Variants in HEATR5B observed in about 807,000 individuals in gnomAD.
The protein encoded by HEATR5B is HEAT repeat containing 5B, also known as HEAT repeat-containing protein 5B.
A neutral mutation model predicts 224.1 loss-of-function variants in HEATR5B; 156 were observed. That is an observed-to-expected ratio of 0.70 (90% CI 0.61 to 0.80). The LOEUF is 0.80. Among genes scored for constraint, HEATR5B ranks in the 30% least tolerant of loss-of-function variants. HEATR5B has a pLI of 0.00. For synonymous variants in HEATR5B, 1,027 were observed against 893.0 expected (o/e 1.15, Z -2.68); for missense variants, 2,323 against 2,535.5 (o/e 0.92, Z 1.80).
intron 35 of HEATR5B, among the ~76,000 whole-genome samples, chr2:36,983,439 T>C (rs1382201939): frequency 6.6e-6 from 1 of 151,984 alleles, no homozygotes; most frequent in African/African-American, 2.4e-5. Flanking sequence ...CTAGGGAGAC[T>C]GAGGCAGGAG....
intron 26 of HEATR5B, among the ~76,000 whole-genome samples, chr2:37,018,572 G>T (rs1327896071): frequency 6.6e-6 from 1 of 152,154 alleles, no homozygotes; most frequent in African/African-American, 2.4e-5. Context: ...AAAAATGGAA[G>T]GAAGGGGCAA....
chr2:37,026,935 A>C (rs1209471249), intron 24 of HEATR5B, among the ~76,000 whole-genome samples: 1 of 152,120 alleles, frequency 6.6e-6, no homozygotes, highest in East Asian at 1.9e-4. Flanking sequence ...AGTAGCTGGG[A>C]CTACAGGCAT....
At chr2:36,983,281 G>A (rs1665703740) in intron 35 of HEATR5B, among the ~76,000 whole-genome samples, 1 of 151,624 alleles carries the variant, frequency 6.6e-6, no homozygotes. Flanking sequence ...TGTAATCCTA[G>A]CACTTTGGGA....
At chr2:37,035,899 C>A (rs767525930) in intron 21 of HEATR5B, among the ~76,000 whole-genome samples, 24 of 152,174 alleles carry the variant, frequency 1.6e-4, no homozygotes, top group Non-Finnish European at 3.2e-4. Flanking sequence ...CCCAACCCTC[C>A]TCCTCCGATG....
chr2:37,076,167 T>C (rs1672219238), intron 4 of HEATR5B: 1 of 152,398 alleles, frequency 6.6e-6, no homozygotes, highest in African/African-American at 2.4e-5. Context: ...TCACAATGCT[T>C]ATTCACACTT....
chr2:37,006,708 G>A (rs972828570), intron 29 of HEATR5B, among the ~76,000 whole-genome samples: 1 of 152,116 alleles, frequency 6.6e-6, no homozygotes, highest in African/African-American at 2.4e-5. Context: ...AGGATTCACT[G>A]AAATCTTCTT....
chr2:37,083,508 C>T (rs78468475), intron 1 of HEATR5B, 72 bp from the exon 2 acceptor site: 51,384 of 1,124,198 alleles, frequency 0.046, 1,410 homozygotes, highest in Non-Finnish European at 0.053. Context: ...ATGGAATATA[C>T]TCACTAAGAA....
At chr2:36,986,796 T>C (rs1665977673) in intron 35 of HEATR5B, among the ~76,000 whole-genome samples, 1 of 152,110 alleles carries the variant, frequency 6.6e-6, no homozygotes, top group African/African-American at 2.4e-5. Flanking sequence ...TTTGTACTTT[T>C]AGTAGAGACA....
intron 26 of HEATR5B, among the ~76,000 whole-genome samples, chr2:37,016,950 T>C (rs1346019179): frequency 1.3e-5 from 2 of 152,044 alleles, no homozygotes; most frequent in Non-Finnish European, 2.9e-5. Context: ...AGAAATTAAA[T>C]ATGAACATGA....
intron 21 of HEATR5B, among the ~76,000 whole-genome samples, chr2:37,033,246 A>C (rs933649932): frequency 3.9e-5 from 6 of 152,210 alleles, no homozygotes; most frequent in Non-Finnish European, 5.9e-5. Flanking sequence ...GTTGTTTAAA[A>C]TACAGTCAAA....
intron 22 of HEATR5B, among the ~76,000 whole-genome samples, chr2:37,032,077 T>G (rs1011584432): frequency 6.6e-6 from 1 of 152,208 alleles, no homozygotes. Context: ...TGGTCTTACC[T>G]TCTTAGAGGA....
Position 37,040,516 on chromosome 2 carries a change from A to G in HEATR5B, c.2859T>C (p.Thr953=). Residue 953 remains threonine, a splice_region_variant and synonymous_variant, in exon 20 of 36, where the codon ACT becomes ACC. Transcript: ENST00000233099. The stretch of plus-strand genomic sequence containing the variant: ...TCAAAGCAAGTGAATGAAGAGACCA[A>G]GTCTAGAATAAAATATAATTTCATT... ...AQDGTSPEVQ[T]WSLHSLALIV... The G allele has an allele frequency of 6.3e-7, 1 of 1,595,760 alleles. No homozygotes were observed. Among genetic ancestry groups the G allele is most frequent in the Non-Finnish European group, 8.5e-7 (1 of 1,172,488 alleles).
intron 2 of HEATR5B, among the ~76,000 whole-genome samples, chr2:37,082,086 T>TCTTTTTTC (rs1553329859): frequency 1.8e-5 from 1 of 55,978 alleles, no homozygotes; most frequent in Non-Finnish European, 3.4e-5. Context: ...TTTTTTTTTT[T>TCTTTTTTC]CAGATGGAGT....
intron 26 of HEATR5B, among the ~76,000 whole-genome samples, chr2:37,017,482 C>T (rs752398042): frequency 2.6e-5 from 4 of 151,572 alleles, no homozygotes; most frequent in East Asian, 1.9e-4. Flanking sequence ...GCCATGAGCT[C>T]GAGACCAGCC....
chr2:37,083,450 G>A lies in HEATR5B; in HGVS notation c.-22-14C>T, dbSNP rs1210409359. The A allele has an allele frequency of 1.1e-5, 17 of 1,571,424 alleles. No homozygotes were observed. In the Admixed American group the frequency reaches 3.0e-4, roughly 27 times the overall value. On this transcript the variant is annotated splice_polypyrimidine_tract_variant and intron_variant, in intron 1 of 35. Coordinates refer to ENST00000233099, the MANE Select transcript of HEATR5B (RefSeq NM_019024.3). Reference sequence around the variant, plus strand: ...TGAAATTCACACCTTAAATTTAACAGAGTAAAAAATACTTGTAAGTATTTT... The same window carrying A: ...TGAAATTCACACCTTAAATTTAACAAAGTAAAAAATACTTGTAAGTATTTT...
chr2:37,013,532 C>G (rs2148414772), intron 27 of HEATR5B, among the ~76,000 whole-genome samples: 1 of 152,214 alleles, frequency 6.6e-6, no homozygotes, highest in Non-Finnish European at 1.5e-5. Flanking sequence ...AAAAAAGAAA[C>G]AAAACCCCTA....
At chr2:37,017,100 T>C (rs1374916729) in intron 26 of HEATR5B, among the ~76,000 whole-genome samples, 2 of 152,180 alleles carry the variant, frequency 1.3e-5, no homozygotes, top group African/African-American at 4.8e-5. Context: ...CTAAGCTTTC[T>C]TTGTAAAAAC....
At chr2:36,983,970 G>A (rs1248948437) in intron 35 of HEATR5B, among the ~76,000 whole-genome samples, 6 of 150,644 alleles carry the variant, frequency 4.0e-5, no homozygotes, top group African/African-American at 7.3e-5. Context: ...AGGCTGAGGC[G>A]GGTGGATCAC....
rs746635694 is a variant in HEATR5B, at chr2:36,990,841, T to G, written c.5546-42A>C. The G allele has an allele frequency of 2.0e-6, 3 of 1,489,432 alleles. No homozygotes were observed. In the South Asian group the frequency reaches 4.0e-5, roughly 20 times the overall value. 92.3% of individuals were successfully genotyped at this position (1,489,432 alleles called of 1,614,324 possible). Reference sequence around the variant, plus strand: ...AAAGAAGTGTGCTGTTTCTAAAACATTTTGGCATTTTATTTTTTTATTTTT... The same window carrying G: ...AAAGAAGTGTGCTGTTTCTAAAACAGTTTGGCATTTTATTTTTTTATTTTT... On this transcript the variant is annotated intron_variant, in intron 33 of 35. Coordinates refer to ENST00000233099, the MANE Select transcript of HEATR5B (RefSeq NM_019024.3).
Sources: allele counts gnomAD v4.1 joint callset (sites outside exome capture counted in the v4.1 genomes callset), GRCh38; gene constraint gnomAD v4.1.1; transcripts MANE v1.5; gene names NCBI Gene and HGNC (gene_info 2026-07-23, HGNC 2026-07-21).